NPFFR2: variants seen among roughly 807,000 people sequenced by gnomAD.
NPFFR2 encodes the protein neuropeptide FF receptor 2.
NPFFR2 carries 15 observed loss-of-function variants against 13.1 expected under a neutral mutation model. That is an observed-to-expected ratio of 1.15 (90% CI 0.77 to 1.76). The LOEUF is 1.76. Among genes scored for constraint, NPFFR2 ranks in the 40% most tolerant of loss-of-function variants. The pLI is 0.00. For missense variants in NPFFR2, 572 were observed against 503.5 expected, an observed-to-expected ratio of 1.14 and a Z score of -1.30; for synonymous variants, 190 against 175.7, an observed-to-expected ratio of 1.08 and a Z score of -0.65.
intron 1 of NPFFR2, among the ~76,000 whole-genome samples, chr4:72,093,389 A>C (rs987627880): frequency 6.6e-6 from 1 of 152,202 alleles, no homozygotes; most frequent in Non-Finnish European, 1.5e-5. Context: ...TAGCAAGGCC[A>C]GGTAAGTTTT....
At chr4:72,114,623 A>C (rs1295059652) in intron 1 of NPFFR2, among the ~76,000 whole-genome samples, 1 of 152,174 alleles carries the variant, frequency 6.6e-6, no homozygotes, top group Non-Finnish European at 1.5e-5. Flanking sequence ...AGATTCAAGC[A>C]ATAAAAAGTA....
At chr4:72,126,755 A>G (rs920445020) in intron 1 of NPFFR2, among the ~76,000 whole-genome samples, 4 of 152,184 alleles carry the variant, frequency 2.6e-5, no homozygotes, top group African/African-American at 9.7e-5. Flanking sequence ...TCTGGTTGAC[A>G]ATACTTTACA....
intron 1 of NPFFR2, among the ~76,000 whole-genome samples, chr4:72,054,519 TA>T (rs1268110543): frequency 2.0e-5 from 3 of 151,926 alleles, no homozygotes; most frequent in Non-Finnish European, 2.9e-5. Flanking sequence ...GCTAAAACTA[TA>T]AACCTTCTAT....
chr4:72,077,588 A>G (rs1404522163), intron 1 of NPFFR2, among the ~76,000 whole-genome samples: 2 of 152,156 alleles, frequency 1.3e-5, no homozygotes, highest in Non-Finnish European at 2.9e-5. Flanking sequence ...TAGCATTCCT[A>G]AAAGGTTGTT....
At chr4:72,097,575 T>G (rs867868804) in intron 1 of NPFFR2, among the ~76,000 whole-genome samples, 1 of 152,148 alleles carries the variant, frequency 6.6e-6, no homozygotes, top group African/African-American at 2.4e-5. Context: ...TACTGGAGAC[T>G]TTTCCTTGTT....
At chr4:72,137,199 TTATGTG>T (rs1722444279) in intron 2 of NPFFR2, among the ~76,000 whole-genome samples, 1 of 152,124 alleles carries the variant, frequency 6.6e-6, no homozygotes, top group African/African-American at 2.4e-5. Flanking sequence ...TAAAAATACT[TTATGTG>T]TAAGAATATT....
intron 2 of NPFFR2, among the ~76,000 whole-genome samples, chr4:72,134,940 T>A (rs1484264010): frequency 6.6e-6 from 1 of 152,120 alleles, no homozygotes; most frequent in Non-Finnish European, 1.5e-5. Flanking sequence ...GTTTATTCCT[T>A]TCTGAGAAAT....
At chr4:72,062,662 T>TC (rs1490714411) in intron 1 of NPFFR2, among the ~76,000 whole-genome samples, 1 of 151,786 alleles carries the variant, frequency 6.6e-6, no homozygotes, top group African/African-American at 2.4e-5. Flanking sequence ...GACTTTTTTT[T>TC]CCCAACAAAA....
chr4:72,101,932 T>TA (rs1721262443), intron 1 of NPFFR2, among the ~76,000 whole-genome samples: 1 of 151,972 alleles, frequency 6.6e-6, no homozygotes, highest in African/African-American at 2.4e-5. Flanking sequence ...ATCAACTCTG[T>TA]AAAAAAGGTT....
At chr4:72,059,501 A>G (rs895012514) in intron 1 of NPFFR2, among the ~76,000 whole-genome samples, 1 of 152,076 alleles carries the variant, frequency 6.6e-6, no homozygotes, top group African/African-American at 2.4e-5. Flanking sequence ...TAAATAGGCA[A>G]TTTAACAGGG....
At chr4:72,061,021 T>C (rs1719905878) in intron 1 of NPFFR2, among the ~76,000 whole-genome samples, 1 of 152,136 alleles carries the variant, frequency 6.6e-6, no homozygotes. Context: ...TCAGAGAATA[T>C]ATGCTCACAA....
intron 3 of NPFFR2, among the ~76,000 whole-genome samples, chr4:72,143,906 T>A (rs1656905836): frequency 6.6e-6 from 1 of 152,214 alleles, no homozygotes; most frequent in South Asian, 2.1e-4. Context: ...TGAATAATTC[T>A]GCAACAAATG....
intron 1 of NPFFR2, among the ~76,000 whole-genome samples, chr4:72,100,197 A>G (rs1457518465): frequency 6.6e-6 from 1 of 152,178 alleles, no homozygotes; most frequent in Non-Finnish European, 1.5e-5. Context: ...GAATAAAAGT[A>G]CGTATGATTT....
intron 1 of NPFFR2, among the ~76,000 whole-genome samples, chr4:72,100,445 A>C (rs976055375): frequency 6.6e-6 from 1 of 152,104 alleles, no homozygotes; most frequent in Non-Finnish European, 1.5e-5. Context: ...TGATTAGATG[A>C]AATTAGATAA....
intron 1 of NPFFR2, among the ~76,000 whole-genome samples, chr4:72,075,991 A>C (rs1364085342): frequency 3.8e-3 from 67 of 17,804 alleles, no homozygotes; most frequent in African/African-American, 5.0e-3. Context: ...ACACACACAC[A>C]CACACACACA....
At chr4:72,107,370 C>T (rs749217300) in intron 1 of NPFFR2, among the ~76,000 whole-genome samples, 13 of 150,808 alleles carry the variant, frequency 8.6e-5, no homozygotes, top group Non-Finnish European at 1.8e-4. Context: ...AGTTTTCAAC[C>T]CTCAAGTTGC....
intron 1 of NPFFR2, among the ~76,000 whole-genome samples, chr4:72,036,942 A>T (rs886833539): frequency 1.3e-5 from 2 of 152,198 alleles, no homozygotes; most frequent in African/African-American, 4.8e-5. Context: ...TTTGCGACTT[A>T]TAAAAACTGC....
intron 1 of NPFFR2, among the ~76,000 whole-genome samples, chr4:72,058,397 T>TAA (rs5859299): frequency 0.024 from 3,511 of 147,708 alleles, 122 homozygotes; most frequent in African/African-American, 0.078. Context: ...AAATAAAAAG[T>TAA]AAAAAAAAAA....
At chr4:72,102,696 G>A (rs1338495097) in intron 1 of NPFFR2, among the ~76,000 whole-genome samples, 1 of 151,864 alleles carries the variant, frequency 6.6e-6, no homozygotes, top group African/African-American at 2.4e-5. Context: ...CCCTACAAAG[G>A]ACATGAACTC....
Sources: gnomAD v4.1 joint callset for allele counts (sites outside exome capture counted in the v4.1 genomes callset) on GRCh38, gnomAD v4.1.1 for gene constraint, MANE v1.5 for transcripts, NCBI Gene and HGNC (gene_info 2026-07-23, HGNC 2026-07-21) for gene names.